Variants in HS1BP3 observed in about 807,000 individuals in gnomAD.
HS1BP3 encodes the protein HCLS1-binding protein 3.
A neutral mutation model predicts 33.5 loss-of-function variants in HS1BP3; 32 were observed. The observed-to-expected ratio is 0.95, with a 90% CI of 0.72 to 1.28. The LOEUF is 1.28. Among genes scored for constraint, HS1BP3 ranks in the 50% most tolerant of loss-of-function variants. The probability of loss-of-function intolerance (pLI) is 0.00; values close to 1 mark genes in which losing one functional copy is unlikely to be tolerated. For missense variants in HS1BP3, 486 were observed against 502.3 expected (o/e 0.97, Z 0.31); for synonymous variants, 187 against 209.2 (o/e 0.89, Z 0.92).
At chr2:20,641,477 G>T (rs1180574357) in intron 2 of HS1BP3, among the ~76,000 whole-genome samples, 1 of 152,172 alleles carries the variant, frequency 6.6e-6, no homozygotes, top group African/African-American at 2.4e-5. Flanking sequence ...TGCCCAGCCT[G>T]CACGTGATCA....
chr2:20,626,419 G>T (rs1036721026), intron 4 of HS1BP3, among the ~76,000 whole-genome samples: 1 of 152,360 alleles, frequency 6.6e-6, no homozygotes, highest in East Asian at 1.9e-4. Context: ...GTGGTCCAGA[G>T]AAGCTGAGTG....
At chr2:20,599,766 C>A (rs1444523236) in intron 2 of HS1BP3, among the ~76,000 whole-genome samples, 1 of 152,046 alleles carries the variant, frequency 6.6e-6, no homozygotes, top group Non-Finnish European at 1.5e-5. Context: ...GAGGGACTGC[C>A]TGATTAGCAC....
At chr2:20,595,592 T>C (rs1693924510) in intron 3 of HS1BP3, among the ~76,000 whole-genome samples, 1 of 152,234 alleles carries the variant, frequency 6.6e-6, no homozygotes, top group Non-Finnish European at 1.5e-5. Context: ...CCTGACTCTC[T>C]GCGAAGGGAC....
intron 1 of HS1BP3, among the ~76,000 whole-genome samples, chr2:20,647,788 G>T (rs1385483866): frequency 6.6e-6 from 1 of 152,148 alleles, no homozygotes; most frequent in Admixed American, 6.5e-5. Context: ...GGCAGGATGT[G>T]CCCTAGACCA....
intron 3 of HS1BP3, among the ~76,000 whole-genome samples, chr2:20,596,906 G>A (rs764173646): frequency 1.9e-4 from 29 of 152,248 alleles, no homozygotes; most frequent in Non-Finnish European, 2.6e-4. Flanking sequence ...CTGCAGACCC[G>A]TGGCAGCCAG....
chr2:20,568,639 G>A (rs956006050), intron 5 of HS1BP3, among the ~76,000 whole-genome samples: 2 of 152,198 alleles, frequency 1.3e-5, no homozygotes, highest in Non-Finnish European at 1.5e-5. Flanking sequence ...TGACACATCT[G>A]CCTGTCTGTG....
intron 3 of HS1BP3, among the ~76,000 whole-genome samples, chr2:20,639,871 G>T (rs1695284413): frequency 6.6e-6 from 1 of 152,208 alleles, no homozygotes; most frequent in South Asian, 2.1e-4. Context: ...CAGCCCCAGA[G>T]ACAGGCAAGG....
At chr2:20,644,960 G>A (rs181122633) in intron 2 of HS1BP3, among the ~76,000 whole-genome samples, 18 of 152,314 alleles carry the variant, frequency 1.2e-4, no homozygotes, top group African/African-American at 4.3e-4. Flanking sequence ...TGCTTAGGAT[G>A]TGTTGTCTGC....
At chr2:20,560,698 T>C (rs1692970637) in intron 5 of HS1BP3, among the ~76,000 whole-genome samples, 1 of 152,128 alleles carries the variant, frequency 6.6e-6, no homozygotes, top group African/African-American at 2.4e-5. Flanking sequence ...CAAGGTCACA[T>C]GGCAGAAAAT....
Position 20,611,792 on chromosome 2 carries a change from A to C in HS1BP3, c.178+12104T>G, listed in dbSNP as rs111811571. 0.038 allele frequency among the ~76,000 whole-genome samples: 5,852 copies of C among 152,270 alleles called. 145 individuals are homozygous for C. Among genetic ancestry groups the C allele is most frequent in the Middle Eastern group, 0.085 (25 of 294 alleles). The stretch of plus-strand genomic sequence containing the variant: ...CATGCCCCCCACCCCACGGTGAGGC[A>C]GCAGAAGCAGGCCATCACCCTGCTC... On this transcript the variant is annotated intron_variant, in intron 2 of 3. Coordinates refer to the HS1BP3 transcript ENST00000415264. This position sits in a 1 kb window ranked among gnomAD's most constrained non-coding sequence, Gnocchi z 4.9.
At chr2:20,585,150 C>T (rs1693650358) in intron 5 of HS1BP3, among the ~76,000 whole-genome samples, 1 of 152,154 alleles carries the variant, frequency 6.6e-6, no homozygotes, top group Non-Finnish European at 1.5e-5. Context: ...AGCCCCTCCT[C>T]CCACTCTGTC....
At chr2:20,589,776 T>G (rs1349235309), downstream of HS1BP3, among the ~76,000 whole-genome samples, 1 of 151,936 alleles carries the variant, frequency 6.6e-6, no homozygotes, top group Non-Finnish European at 1.5e-5. Context: ...CTGGAGGACT[T>G]GCAGCTATAG....
At chr2:20,630,515 C>T (rs1351373908) in intron 4 of HS1BP3, among the ~76,000 whole-genome samples, 4 of 152,194 alleles carry the variant, frequency 2.6e-5, no homozygotes, top group African/African-American at 4.8e-5. Context: ...GTGGTCTTCC[C>T]GCCTTGACCT....
At chr2:20,605,454 T>C (rs1694154976) in intron 2 of HS1BP3, among the ~76,000 whole-genome samples, 1 of 152,186 alleles carries the variant, frequency 6.6e-6, no homozygotes, top group Non-Finnish European at 1.5e-5. Context: ...ACACATCACA[T>C]AAAATTTACC....
At chr2:20,582,139 C>A (rs911824345) in intron 5 of HS1BP3, among the ~76,000 whole-genome samples, 16 of 152,222 alleles carry the variant, frequency 1.1e-4, no homozygotes, top group African/African-American at 3.9e-4. Flanking sequence ...TGCCCCCACA[C>A]CAAGGAGAGG....
intron 5 of HS1BP3, among the ~76,000 whole-genome samples, chr2:20,572,241 G>A (rs751071342): frequency 1.3e-5 from 2 of 152,164 alleles, no homozygotes; most frequent in African/African-American, 2.4e-5. Flanking sequence ...CTCTTTCCAG[G>A]CTCTGCTGCC....
chr2:20,597,579 A>C (rs1477557959), intron 3 of HS1BP3, among the ~76,000 whole-genome samples: 1 of 152,074 alleles, frequency 6.6e-6, no homozygotes, highest in Non-Finnish European at 1.5e-5. Flanking sequence ...GCCAAGCAGA[A>C]TTCTCCACAT....
downstream of HS1BP3, among the ~76,000 whole-genome samples, chr2:20,557,545 T>G (rs1692869572): frequency 6.6e-6 from 1 of 152,214 alleles, no homozygotes; most frequent in South Asian, 2.1e-4. Context: ...GATAGGGATT[T>G]CCACACGTGT....
intron 5 of HS1BP3, among the ~76,000 whole-genome samples, chr2:20,568,390 T>C (rs1693186238): frequency 6.6e-6 from 1 of 151,754 alleles, no homozygotes; most frequent in Non-Finnish European, 1.5e-5. Flanking sequence ...GTGGTGGGGG[T>C]TCCTAGGAGC....
Sources: allele counts gnomAD v4.1 joint callset (sites outside exome capture counted in the v4.1 genomes callset), GRCh38; gene constraint gnomAD v4.1.1; non-coding constraint Gnocchi (gnomAD v3.1); transcripts MANE v1.5; gene names NCBI Gene and HGNC (gene_info 2026-07-23, HGNC 2026-07-21).